Variants in ADGRV1 observed in about 807,000 individuals in gnomAD.
ADGRV1 encodes adhesion G protein-coupled receptor V1.
A neutral mutation model predicts 596.2 loss-of-function variants in ADGRV1; 359 were observed. The observed-to-expected ratio is 0.60, with a 90% confidence interval of 0.55 to 0.66. The LOEUF is 0.66. ADGRV1 is among the 30% of genes least tolerant of loss of function. ADGRV1 has a pLI of 0.00. For missense variants in ADGRV1, 7,274 were observed against 7,575.6 expected, an observed-to-expected ratio of 0.96 and a Z score of 1.48; for synonymous variants, 2,681 against 2,679.2, an observed-to-expected ratio of 1.00 and a Z score of -0.02.
intron 5 of ADGRV1, among the ~76,000 whole-genome samples, chr5:90,624,614 C>G (rs902266824): frequency 6.6e-6 from 1 of 152,132 alleles, no homozygotes; most frequent in Non-Finnish European, 1.5e-5. Context: ...CATACCCATT[C>G]ATTTATTTAT....
In ADGRV1 at chr5:90,985,472, A is replaced by T; in HGVS notation, c.18102A>T (p.Gly6034=). 1 of 1,613,856 alleles carries T rather than the reference A, an allele frequency of 6.2e-7. No individual in the cohort carries two copies. The highest frequency in any genetic ancestry group is 8.5e-7 in the Non-Finnish European group (1 of 1,179,774). ...TTCTCCTCATAGTTATTTTGAAAGG[A>T]ATCTATCATCAGAGCATGTCACAGA... ...VVILLIVILK[G]IYHQSMSQIY... is the part of the protein sequence containing the mutation. The change falls in exon 85 of 90, where the codon GGA becomes GGT. Residue 6034 remains glycine, a synonymous_variant. Coordinates refer to ENST00000405460, the MANE Select transcript of ADGRV1 (RefSeq NM_032119.4).
intron 4 of ADGRV1, among the ~76,000 whole-genome samples, chr5:90,619,917 C>A (rs1763840761): frequency 1.3e-5 from 2 of 152,008 alleles, no homozygotes; most frequent in African/African-American, 4.8e-5. Flanking sequence ...CATGTCCCTA[C>A]AAAGGACATG....
chr5:90,890,495 C>T lies in ADGRV1; in HGVS notation c.17856+26638C>T, dbSNP rs78663711. On this transcript the variant is annotated intron_variant, in intron 83 of 89. Transcript: ENST00000405460. ...CCTTGACAAGTCATAAAACCCAGTG[C>T]TCAGTTCACCCACCTGTTAAATGAA... Among the ~76,000 whole-genome samples, 84 of 152,254 alleles carry T rather than the reference C, an allele frequency of 5.5e-4. 1 individual carries two copies. The East Asian group carries it at 0.014, about 25-fold the overall frequency.
chr5:90,977,312 G>C (rs899456151), intron 84 of ADGRV1, among the ~76,000 whole-genome samples: 2 of 152,160 alleles, frequency 1.3e-5, no homozygotes, highest in African/African-American at 4.8e-5. Flanking sequence ...ACTCCCATCT[G>C]AAATGAATGA....
intron 20 of ADGRV1, chr5:90,654,299 C>A: frequency 3.4e-6 from 1 of 298,500 alleles, no homozygotes; most frequent in Non-Finnish European, 6.4e-6. Flanking sequence ...GATATTCCTG[C>A]AGAGGAATGA....
chr5:91,123,328 T>C (rs746869963), intron 87 of ADGRV1, among the ~76,000 whole-genome samples: 3 of 152,210 alleles, frequency 2.0e-5, no homozygotes, highest in Non-Finnish European at 2.9e-5. Flanking sequence ...TAGAAACTTA[T>C]AGCTCATAGT....
intron 70 of ADGRV1, among the ~76,000 whole-genome samples, chr5:90,796,517 A>T (rs934905021): frequency 2.0e-5 from 3 of 152,206 alleles, no homozygotes; most frequent in Admixed American, 2.0e-4. Context: ...TGAAAGTGAC[A>T]GGGAGAATGG....
At chr5:91,150,368 T>G in intron 88 of ADGRV1, 147 bp downstream of exon 88, 1 of 579,770 alleles carries the variant, frequency 1.7e-6, no homozygotes, top group Non-Finnish European at 2.7e-6. Flanking sequence ...AGGTGACTTT[T>G]AAATCAAGAT....
rs765252546 is a variant in ADGRV1, at chr5:90,657,893, C to T, written c.4379-12C>T. The T allele has an allele frequency of 4.4e-6, 7 of 1,590,918 alleles. No homozygotes were observed. Among genetic ancestry groups the T allele is most frequent in the Admixed American group, 3.4e-5 (2 of 58,246 alleles). On this transcript the variant is annotated splice_polypyrimidine_tract_variant and intron_variant, in intron 20 of 89. Transcript: ENST00000405460. ...AAGGTATTGTAGCATTTAAACTTGTCTCTAATTTCAGGTCCTGGGATACTG... is the reference window on the plus strand; with the variant it reads ...AAGGTATTGTAGCATTTAAACTTGTTTCTAATTTCAGGTCCTGGGATACTG...
intron 29 of ADGRV1, among the ~76,000 whole-genome samples, chr5:90,689,417 C>A (rs1746168935): frequency 7.2e-6 from 1 of 139,380 alleles, no homozygotes; most frequent in South Asian, 2.3e-4. Context: ...AAAGTCTTTT[C>A]ATGTCCAGCT....
intron 76 of ADGRV1, among the ~76,000 whole-genome samples, chr5:90,826,743 A>G (rs778955260): frequency 3.9e-5 from 6 of 152,152 alleles, no homozygotes; most frequent in African/African-American, 7.2e-5. Flanking sequence ...CATCCACAGA[A>G]TTACACCACT....
chr5:91,129,880 G>A (rs1794066834), intron 87 of ADGRV1, among the ~76,000 whole-genome samples: 1 of 152,150 alleles, frequency 6.6e-6, no homozygotes, highest in South Asian at 2.1e-4. Flanking sequence ...ACTAGAGTCT[G>A]AGAGAACACA....
At chr5:91,124,563 T>A (rs1793589781) in intron 87 of ADGRV1, among the ~76,000 whole-genome samples, 1 of 152,152 alleles carries the variant, frequency 6.6e-6, no homozygotes, top group South Asian at 2.1e-4. Flanking sequence ...GATTGAAAAT[T>A]CCCAGTATTG....
Position 90,853,348 on chromosome 5 carries a change from C to G in ADGRV1, c.17269C>G (p.Gln5757Glu), listed in dbSNP as rs763379242. ...SILALHWYPQ[Q>E]INGHKFEGKE... ...ATTGGCTCTTCACTGGTATCCTCAG[C>G]AAATCAATGGACACAAGTTTGAAGG... Residue 5757 changes from glutamine (Q) to glutamate (E), a missense_variant, in exon 80 of 90, where the codon CAA becomes GAA. Transcript: ENST00000405460. 1.2e-5 allele frequency: 20 copies of G among 1,613,204 alleles called. No homozygotes were observed.
intron 83 of ADGRV1, among the ~76,000 whole-genome samples, chr5:90,874,110 C>T (rs1217213083): frequency 1.3e-5 from 2 of 152,164 alleles, no homozygotes; most frequent in Non-Finnish European, 2.9e-5. Context: ...TGACCTCCAT[C>T]TCCCTCAGGA....
At chr5:91,058,382 C>T (rs189358487) in intron 85 of ADGRV1, among the ~76,000 whole-genome samples, 13 of 152,228 alleles carry the variant, frequency 8.5e-5, no homozygotes, top group Non-Finnish European at 1.6e-4. Context: ...CTGAGATCTT[C>T]CAGCAGTCAC....
At chr5:90,889,818 C>T (rs1454901840) in intron 83 of ADGRV1, among the ~76,000 whole-genome samples, 1 of 152,032 alleles carries the variant, frequency 6.6e-6, no homozygotes, top group Non-Finnish European at 1.5e-5. Context: ...AACAGATAAG[C>T]CCTATCAAAA....
Position 90,716,732 on chromosome 5 carries a change from A to G in ADGRV1, c.9447+3A>G. 1 of 1,606,662 alleles carries G rather than the reference A, an allele frequency of 6.2e-7. No individual in the cohort carries two copies. The highest frequency in any genetic ancestry group is 8.5e-7 in the Non-Finnish European group (1 of 1,174,394). ...TAGAAGAAGGTGTTCGATTCAAGGT[A>G]CAGTAAGAAGCTTTAATGAGAATGG... On this transcript the variant is annotated splice_donor_region_variant and intron_variant, in intron 43 of 89. Transcript: ENST00000405460.
intron 52 of ADGRV1, among the ~76,000 whole-genome samples, chr5:90,748,551 GC>G (rs1487632885): frequency 6.6e-6 from 1 of 152,128 alleles, no homozygotes; most frequent in Non-Finnish European, 1.5e-5. Flanking sequence ...GCCACATGTG[GC>G]CAGTGGCTAC....
Sources: gnomAD v4.1 joint callset for allele counts (sites outside exome capture counted in the v4.1 genomes callset) on GRCh38, gnomAD v4.1.1 for gene constraint, MANE v1.5 for transcripts, NCBI Gene and HGNC (gene_info 2026-07-23, HGNC 2026-07-21) for gene names.